Variants in ABLIM2 observed in about 807,000 individuals in gnomAD.
ABLIM2 encodes the protein actin binding LIM protein family member 2.
ABLIM2 carries 53 observed loss-of-function variants against 97.7 expected under a neutral mutation model. The ratio of observed to expected loss-of-function variants is 0.54; its 90% CI spans 0.44 to 0.68. ABLIM2 has a LOEUF of 0.68. Among genes scored for constraint, ABLIM2 ranks in the 30% least tolerant of loss-of-function variants. ABLIM2 has a pLI of 0.00. For missense variants in ABLIM2, 835 were observed against 867.2 expected, an observed-to-expected ratio of 0.96 and a Z score of 0.47; for synonymous variants, 361 against 345.8, an observed-to-expected ratio of 1.04 and a Z score of -0.49.
intron 1 of ABLIM2, among the ~76,000 whole-genome samples, chr4:8,129,388 G>A (rs1849030761): frequency 6.6e-6 from 1 of 152,192 alleles, no homozygotes; most frequent in South Asian, 2.1e-4. Context: ...CGCGGCCCCT[G>A]CGCGCCCGAA....
At chr4:8,014,864 CCCTCCCTCTCTCCTTCCGG>C (rs1307612058) in intron 14 of ABLIM2, among the ~76,000 whole-genome samples, 1 of 151,992 alleles carries the variant, frequency 6.6e-6, no homozygotes, top group Admixed American at 6.6e-5. Context: ...GCCTTTGCCT[CCCTCCCTCTCTCCTTCCGG>C]CCTCCCTCTC....
At chr4:8,121,558 G>A (rs1578271183) in intron 1 of ABLIM2, among the ~76,000 whole-genome samples, 1 of 152,302 alleles carries the variant, frequency 6.6e-6, no homozygotes, top group East Asian at 1.9e-4. Context: ...CAGACAGGGC[G>A]GCCCAGCCCA....
chr4:7,966,875 A>AC lies in ABLIM2; in HGVS notation c.*114dup. The AC allele has an allele frequency of 1.1e-5, 1 of 87,786 alleles. No homozygotes were observed. Among genetic ancestry groups the AC allele is most frequent in the Non-Finnish European group, 2.2e-5 (1 of 44,782 alleles). 5.4% of individuals were successfully genotyped at this position (87,786 alleles called of 1,614,324 possible). A position where few individuals can be genotyped will look rare whatever the true frequency, so the allele number is the denominator to read the frequency against. ...CCTGCTGGGGGACCCCCTCCCGCCCACCCCATGGACACAGAGAAGCCAGAG... is the reference window on the plus strand; with the variant it reads ...CCTGCTGGGGGACCCCCTCCCGCCCACCCCCATGGACACAGAGAAGCCAGAG... On this transcript the variant is annotated 3_prime_UTR_variant, in exon 21 of 21. Coordinates refer to ENST00000447017, the MANE Select transcript of ABLIM2 (RefSeq NM_001130083.2).
Position 8,128,235 on chromosome 4 carries a change from G to A in ABLIM2, c.11-21598C>T, listed in dbSNP as rs138499926. Among the ~76,000 whole-genome samples the A allele has an allele frequency of 9.2e-5, 14 of 152,282 alleles. No individual in the cohort carries two copies. The highest frequency in any genetic ancestry group is 2.9e-4 in the African/African-American group (12 of 41,552). On this transcript the variant is annotated intron_variant, in intron 1 of 20. Transcript: ENST00000447017. This position sits in a 1 kb window ranked among gnomAD's most constrained non-coding sequence, Gnocchi z 4.9. ...GTCTCTTATGAGGACACCAGTCACT[G>A]CATTTGGGGTCCGCCCTCATCCACA...
At chr4:8,052,573 C>A (rs1796724621) in intron 8 of ABLIM2, among the ~76,000 whole-genome samples, 1 of 152,240 alleles carries the variant, frequency 6.6e-6, no homozygotes. Context: ...CCCTCCCCTG[C>A]CAAAAGCAGA....
Position 8,020,380 on chromosome 4 carries a change from CTTAT to C in ABLIM2, c.1268-81_1268-78del, listed in dbSNP as rs1772723249. 3.7e-6 allele frequency: 5 copies of C among 1,341,500 alleles called. No homozygotes were observed. The East Asian group carries it at 1.2e-4, about 33-fold the overall frequency. 83.1% of individuals were successfully genotyped at this position (1,341,500 alleles called of 1,614,324 possible). A position where few individuals can be genotyped will look rare whatever the true frequency, so the allele number is the denominator to read the frequency against. On this transcript the variant is annotated intron_variant, in intron 12 of 20. Coordinates refer to ENST00000447017, the MANE Select transcript of ABLIM2 (RefSeq NM_001130083.2). ...AGTAGAATATTTCAAGCATGAAAAG[CTTAT>C]TTGCAGCGAGCCCCATCTCTCCTGT...
Position 8,002,668 on chromosome 4 carries a change from C to A in ABLIM2, c.1618+5391G>T, listed in dbSNP as rs896301103. On this transcript the variant is annotated intron_variant, in intron 16 of 20. Transcript: ENST00000447017. The surrounding 1 kb of genome is among the most constrained non-coding windows in gnomAD (Gnocchi z 6.1). ...CTCGGTTTCCCAAGGCCGCCCTGCT[C>A]CTGCCTCCAGACCTGTCTACAGGCT... Among the ~76,000 whole-genome samples the A allele has an allele frequency of 6.6e-6, 1 of 152,110 alleles. No homozygotes were observed. Among genetic ancestry groups the A allele is most frequent in the African/African-American group, 2.4e-5 (1 of 41,388 alleles).
chr4:7,989,278 C>T (rs1236198571), intron 17 of ABLIM2: 4 of 329,392 alleles, frequency 1.2e-5, no homozygotes, highest in African/African-American at 6.7e-5. Context: ...GGGGTTTCAC[C>T]ATGTTGGCCA....
rs979073207 is a variant in ABLIM2 at position 8,123,837 on chromosome 4, G to A, written c.11-17200C>T. Among the ~76,000 whole-genome samples, 1 of 152,132 alleles carries A rather than the reference G, an allele frequency of 6.6e-6. No individual in the cohort carries two copies. Among genetic ancestry groups the A allele is most frequent in the Non-Finnish European group, 1.5e-5 (1 of 68,024 alleles). ...GGACAGGCCAAGAGGAGGGGCAGGA[G>A]GTGGCACGGGGTGGGAGCCCTGCCT... On this transcript the variant is annotated intron_variant, in intron 1 of 20. Transcript: ENST00000447017. The surrounding 1 kb of genome is among the most constrained non-coding windows in gnomAD (Gnocchi z 6.2).
chr4:8,053,670 G>A (rs1323670695), intron 8 of ABLIM2, among the ~76,000 whole-genome samples: 2 of 152,174 alleles, frequency 1.3e-5, no homozygotes, highest in African/African-American at 4.8e-5. Flanking sequence ...CAAAATTTGT[G>A]TGTTGGAAAC....
In ABLIM2 at chr4:8,127,527, A is replaced by G; in HGVS notation, c.11-20890T>C. ...CTCCCAGCCGGATGGTCTGGGCAAA[A>G]GCGCAGTTTGGGGATTTACCTGTGT... On this transcript the variant is annotated intron_variant, in intron 1 of 20. Transcript: ENST00000447017. The surrounding 1 kb of genome is among the most constrained non-coding windows in gnomAD (Gnocchi z 7.3). 7.8e-7 allele frequency: 1 copy of G among 1,289,722 alleles called. No homozygotes were observed. The highest frequency in any genetic ancestry group is 1.2e-5 in the South Asian group (1 of 81,022). 79.9% of individuals were successfully genotyped at this position (1,289,722 alleles called of 1,614,324 possible).
rs1790880305 is a variant in ABLIM2 at position 8,044,520 on chromosome 4, A to C, written c.900+644T>G. Reference sequence around the variant, plus strand: ...ACAATATTAAATGTATTAAATATTAAATAGAATAATCTCCCATCTCGAATC... The same window carrying C: ...ACAATATTAAATGTATTAAATATTACATAGAATAATCTCCCATCTCGAATC... On this transcript the variant is annotated intron_variant, in intron 9 of 20. Coordinates refer to ENST00000447017, the MANE Select transcript of ABLIM2 (RefSeq NM_001130083.2). The surrounding 1 kb of genome is among the most constrained non-coding windows in gnomAD (Gnocchi z 4.4). 6.6e-6 allele frequency among the ~76,000 whole-genome samples: 1 copy of C among 152,032 alleles called. No homozygotes were observed. Among genetic ancestry groups the C allele is most frequent in the African/African-American group, 2.4e-5 (1 of 41,394 alleles).
At position 8,004,854 on chromosome 4, in the gene ABLIM2, A is replaced by T. The variant is rs1295577742; in HGVS notation, c.1618+3205T>A. Among the ~76,000 whole-genome samples the T allele has an allele frequency of 6.6e-6, 1 of 152,234 alleles. No individual in the cohort carries two copies. The highest frequency in any genetic ancestry group is 1.5e-5 in the Non-Finnish European group (1 of 68,038). On this transcript the variant is annotated intron_variant, in intron 16 of 20. Transcript: ENST00000447017. The surrounding 1 kb of genome is among the most constrained non-coding windows in gnomAD (Gnocchi z 5.9). ...AGGAACAGAAAAGCAGTCAATAATA[A>T]AATATAGATTTCACTATGACGCCCT...
chr4:8,011,637 T>C (rs1196409126), intron 14 of ABLIM2, among the ~76,000 whole-genome samples: 1 of 152,240 alleles, frequency 6.6e-6, no homozygotes, highest in Non-Finnish European at 1.5e-5. Context: ...TGAGGCTAAT[T>C]TGCAGCATGC....
In ABLIM2 at chr4:8,003,982, C is replaced by T. The variant is rs552164644; in HGVS notation, c.1618+4077G>A. On this transcript the variant is annotated intron_variant, in intron 16 of 20. Coordinates refer to ENST00000447017, the MANE Select transcript of ABLIM2 (RefSeq NM_001130083.2). The surrounding 1 kb of genome is among the most constrained non-coding windows in gnomAD (Gnocchi z 4.2). ...TATCCTCACGAGATTGACAGTAGCA[C>T]GTCAGGGAGGCTCTTCCTTCGACCA... 3.3e-5 allele frequency among the ~76,000 whole-genome samples: 5 copies of T among 152,100 alleles called. No homozygotes were observed. Among genetic ancestry groups the T allele is most frequent in the African/African-American group, 7.2e-5 (3 of 41,416 alleles).
rs554339802 is a variant in ABLIM2, at chr4:8,045,154, C to A, written c.900+10G>T. On this transcript the variant is annotated intron_variant, in intron 9 of 20. Coordinates refer to ENST00000447017, the MANE Select transcript of ABLIM2 (RefSeq NM_001130083.2). ...CCCACCGCCGTCCCCATAAAAAGGC[C>A]CTGACTTACATAAATCACACGGCTC... 6.8e-6 allele frequency: 11 copies of A among 1,613,266 alleles called. 1 individual carries two copies. The South Asian group carries it at 1.2e-4, about 18-fold the overall frequency.
chr4:8,108,950 C>T (rs1440694008), intron 1 of ABLIM2, among the ~76,000 whole-genome samples: 1 of 152,252 alleles, frequency 6.6e-6, no homozygotes, highest in Non-Finnish European at 1.5e-5. Flanking sequence ...ACCCCAGGCA[C>T]CAGGCCAGAG....
rs548860627 is a variant in ABLIM2 at position 8,046,415 on chromosome 4, C to A, written c.823-1174G>T. Among the ~76,000 whole-genome samples the A allele has an allele frequency of 6.6e-6, 1 of 152,114 alleles. No homozygotes were observed. Among genetic ancestry groups the A allele is most frequent in the Non-Finnish European group, 1.5e-5 (1 of 68,014 alleles). On this transcript the variant is annotated intron_variant, in intron 8 of 20. Coordinates refer to ENST00000447017, the MANE Select transcript of ABLIM2 (RefSeq NM_001130083.2). This position sits in a 1 kb window ranked among gnomAD's most constrained non-coding sequence, Gnocchi z 4.4. ...TGGGCCACCTGCCTGGCCTTCCCCA[C>A]GCCTCCTATTCACCCTGTCCAAAAG...
chr4:8,057,783 G>A (rs1800297633), intron 7 of ABLIM2, among the ~76,000 whole-genome samples: 1 of 152,342 alleles, frequency 6.6e-6, no homozygotes, highest in East Asian at 1.9e-4. Context: ...GACCGTGGGG[G>A]TCGCTGGGGC....
Sources: allele counts gnomAD v4.1 joint callset (sites outside exome capture counted in the v4.1 genomes callset), GRCh38; gene constraint gnomAD v4.1.1; non-coding constraint Gnocchi (gnomAD v3.1); transcripts MANE v1.5; gene names NCBI Gene and HGNC (gene_info 2026-07-23, HGNC 2026-07-21).